MUSK: variants seen among roughly 807,000 people sequenced by gnomAD.
MUSK encodes muscle, skeletal receptor tyrosine-protein kinase.
MUSK carries 55 observed loss-of-function variants against 88.7 expected under a neutral mutation model. The observed-to-expected ratio is 0.62, with a 90% CI of 0.50 to 0.78. MUSK has a LOEUF of 0.78. Among genes scored for constraint, MUSK ranks in the 30% least tolerant of loss-of-function variants. MUSK has a pLI of 0.00. For missense variants in MUSK, 1,015 were observed against 1,074.3 expected (o/e 0.94, Z 0.77); for synonymous variants, 387 against 391.9 (o/e 0.99, Z 0.15).
In MUSK at chr9:110,762,256, G is replaced by C; in HGVS notation, c.920+48G>C. The stretch of plus-strand genomic sequence containing the variant: ...ATTGTTTCCAATGTTTTGTTTTGTA[G>C]GGATTTCGTTTGTTTGTTTTTGTCT... On this transcript the variant is annotated intron_variant, in intron 8 of 14. Coordinates refer to ENST00000374448, the MANE Select transcript of MUSK (RefSeq NM_005592.4). The C allele has an allele frequency of 1.5e-6, 2 of 1,363,420 alleles. 1 individual carries two copies. The highest frequency in any genetic ancestry group is 1.9e-6 in the Non-Finnish European group (2 of 1,040,878). The allele number at this position is 1,363,420 out of a possible 1,614,324, so 84.5% of individuals were successfully genotyped here.
chr9:110,683,165 C>G (rs150801737), intron 2 of MUSK, among the ~76,000 whole-genome samples: 9 of 151,996 alleles, frequency 5.9e-5, no homozygotes, highest in African/African-American at 2.2e-4. Flanking sequence ...CATCCTTTTA[C>G]GCTCCATGTC....
At chr9:110,772,055 A>G (rs991045609) in intron 9 of MUSK, among the ~76,000 whole-genome samples, 3 of 151,020 alleles carry the variant, frequency 2.0e-5, no homozygotes, top group African/African-American at 4.8e-5. Flanking sequence ...TTGATAGTCT[A>G]TGGTTCCTCT....
At position 110,755,933 on chromosome 9, in the gene MUSK, C is replaced by CGT. The variant is rs1394411648; in HGVS notation, c.914-6269_914-6268insGT. On this transcript the variant is annotated intron_variant, in intron 7 of 14. Transcript: ENST00000374448. ...CAGTGCCCAGTGCCATATATATATA[C>CGT]ATATATATATATATATACACATATA... 8.1e-3 allele frequency among the ~76,000 whole-genome samples: 659 copies of CGT among 81,512 alleles called. 15 individuals carry two copies. Among genetic ancestry groups the CGT allele is most frequent in the African/African-American group, 0.029 (602 of 20,532 alleles). The allele number at this position is 81,512 out of a possible 152,430, so 53.5% of individuals were successfully genotyped here.
At chr9:110,783,684 T>G (rs1185445896) in intron 11 of MUSK, among the ~76,000 whole-genome samples, 2 of 152,046 alleles carry the variant, frequency 1.3e-5, no homozygotes, top group African/African-American at 2.4e-5. Context: ...TATTAACTTC[T>G]GCTTGTGTAT....
At chr9:110,770,297 T>G (rs1053960476) in intron 9 of MUSK, among the ~76,000 whole-genome samples, 14 of 144,550 alleles carry the variant, frequency 9.7e-5, no homozygotes, top group African/African-American at 3.6e-4. Context: ...ATAATACAAT[T>G]ATATATTAAC....
chr9:110,695,459 G>A lies in MUSK; in HGVS notation c.415G>A (p.Val139Ile). The change falls in exon 4 of 15, where the codon GTC (valine) becomes ATC (isoleucine). Residue 139 changes from valine to isoleucine, a missense_variant. Physicochemically the swap from Val to Ile is conservative, Grantham distance 29. Coordinates refer to ENST00000374448, the MANE Select transcript of MUSK (RefSeq NM_005592.4). ...GAAAATAATAGAGGGATTAAAAGCA[G>A]TCCTACCATGTACTACAATGGGTAA... ...NVKIIEGLKA[V>I]LPCTTMGNPK... 1.3e-6 allele frequency: 2 copies of A among 1,551,348 alleles called. No homozygotes were observed. Among genetic ancestry groups the A allele is most frequent in the Non-Finnish European group, 1.8e-6 (2 of 1,140,166 alleles).
chr9:110,755,500 C>T (rs73655622), intron 7 of MUSK, among the ~76,000 whole-genome samples: 14,394 of 152,106 alleles, frequency 0.095, 720 homozygotes, highest in Middle Eastern at 0.15. Flanking sequence ...GGAATTATGC[C>T]TTTTAGAATC....
intron 5 of MUSK, among the ~76,000 whole-genome samples, chr9:110,729,977 C>T (rs2076942169): frequency 6.6e-6 from 1 of 151,962 alleles, no homozygotes; most frequent in Non-Finnish European, 1.5e-5. Flanking sequence ...CTTAAGATGA[C>T]AATCAATAAT....
At chr9:110,754,031 C>T (rs1264922831) in intron 7 of MUSK, among the ~76,000 whole-genome samples, 3 of 152,202 alleles carry the variant, frequency 2.0e-5, no homozygotes, top group African/African-American at 4.8e-5. Flanking sequence ...TTTGCTTTAC[C>T]ACTCAGTGCT....
Position 110,701,899 on chromosome 9 carries a change from A to C in MUSK, c.628+4433A>C, listed in dbSNP as rs1289190671. Reference sequence around the variant, plus strand: ...ATTTTATTTTATTTTATTTTATTTTATTTTATTTTATTTTATTTTATTTTA... The same window carrying C: ...ATTTTATTTTATTTTATTTTATTTTCTTTTATTTTATTTTATTTTATTTTA... On this transcript the variant is annotated intron_variant, in intron 5 of 14. Transcript: ENST00000374448. Among the ~76,000 whole-genome samples the C allele has an allele frequency of 1.1e-4, 12 of 113,098 alleles. 1 individual carries two copies. Among genetic ancestry groups the C allele is most frequent in the Non-Finnish European group, 2.1e-4 (12 of 56,058 alleles). The allele number at this position is 113,098 out of a possible 152,430, so 74.2% of individuals were successfully genotyped here.
Position 110,785,564 on chromosome 9 carries a change from G to A in MUSK, c.1624G>A (p.Glu542Lys), listed in dbSNP as rs1314836666. ...AAVTLTTLPS[E>K]LLLDRLHPNP... ...AGTAACCCTCACCACACTGCCTTCT[G>A]AGCTCTTACTAGATAGACTTCATCC... Residue 542 changes from glutamate to lysine, a missense_variant, in exon 13 of 15, where the codon GAG becomes AAG. Transcript: ENST00000374448. 1.1e-5 allele frequency: 17 copies of A among 1,612,414 alleles called. No individual in the cohort carries two copies. The highest frequency in any genetic ancestry group is 1.4e-5 in the Non-Finnish European group (17 of 1,179,120).
At chr9:110,747,537 A>G in intron 6 of MUSK, 104 bp from the exon 7 acceptor site, 1 of 1,196,014 alleles carries the variant, frequency 8.4e-7, no homozygotes, top group Non-Finnish European at 1.2e-6. Flanking sequence ...GCAGTGTACC[A>G]CATGCACTTG....
intron 7 of MUSK, 45 bp downstream of exon 7, chr9:110,747,845 G>A: frequency 6.3e-7 from 1 of 1,588,690 alleles, no homozygotes; most frequent in Non-Finnish European, 8.6e-7. Flanking sequence ...AGAGGGGAGA[G>A]TTGATACTAT....
intron 1 of MUSK, among the ~76,000 whole-genome samples, chr9:110,679,780 T>G (rs2076083898): frequency 1.2e-5 from 1 of 86,726 alleles, no homozygotes; most frequent in Non-Finnish European, 2.3e-5. Context: ...CCATAGATGC[T>G]TCTTTCTGTT....
intron 11 of MUSK, among the ~76,000 whole-genome samples, chr9:110,783,227 T>C (rs1195821961): frequency 6.6e-6 from 1 of 152,192 alleles, no homozygotes; most frequent in African/African-American, 2.4e-5. Context: ...GGTTGTATAA[T>C]CTATGTATGC....
chr9:110,789,233 G>C (rs2077929862), intron 14 of MUSK, among the ~76,000 whole-genome samples: 1 of 152,236 alleles, frequency 6.6e-6, no homozygotes. Context: ...TGCAGCAAGA[G>C]AAGATGATGG....
intron 13 of MUSK, 44 bp downstream of exon 13, chr9:110,785,762 T>C (rs1317394445): frequency 8.0e-6 from 12 of 1,495,872 alleles, no homozygotes; most frequent in Non-Finnish European, 1.1e-5. Context: ...AAATATGTTA[T>C]GTCTGAAAAG....
At chr9:110,755,683 G>A (rs1370940258) in intron 7 of MUSK, among the ~76,000 whole-genome samples, 1 of 151,834 alleles carries the variant, frequency 6.6e-6, no homozygotes, top group African/African-American at 2.4e-5. Flanking sequence ...TTCCATTCAG[G>A]AACATGGAGA....
At chr9:110,775,086 A>G (rs2077646236) in intron 9 of MUSK, among the ~76,000 whole-genome samples, 1 of 152,154 alleles carries the variant, frequency 6.6e-6, no homozygotes, top group Non-Finnish European at 1.5e-5. Flanking sequence ...CTAATCTGCA[A>G]AATTCCAAGT....
Sources: allele counts gnomAD v4.1 joint callset (sites outside exome capture counted in the v4.1 genomes callset), GRCh38; gene constraint gnomAD v4.1.1; transcripts MANE v1.5; gene names NCBI Gene and HGNC (gene_info 2026-07-23, HGNC 2026-07-21).